Variants in CCNB1 observed in about 807,000 individuals in gnomAD.
CCNB1 encodes cyclin B1.
A neutral mutation model predicts 44.4 loss-of-function variants in CCNB1; 26 were observed. The observed-to-expected ratio is 0.59, with a 90% CI of 0.43 to 0.81. CCNB1 has a LOEUF of 0.81. CCNB1 is among the 40% of genes least tolerant of loss of function. CCNB1 has a pLI of 0.00. For synonymous variants in CCNB1, 195 were observed against 181.4 expected (o/e 1.08, Z -0.60); for missense variants, 477 against 520.9 (o/e 0.92, Z 0.82).
chr5:69,167,315 C>T (rs1217613458), intron 1 of CCNB1, 32 bp downstream of exon 1: 2 of 1,601,982 alleles, frequency 1.2e-6, no homozygotes, highest in Middle Eastern at 2.0e-4. Context: ...ACTAACGCGG[C>T]CTTCTTAGCT....
chr5:69,177,879 A>G lies in CCNB1; in HGVS notation c.*248A>G. 2.6e-6 allele frequency: 1 copy of G among 377,966 alleles called. No individual in the cohort carries two copies. The allele number at this position is 377,966 out of a possible 1,614,324, so 23.4% of individuals were successfully genotyped here. ...GGGGATCCAATTGATGTATATGTTT[A>G]TATACTGGGTTCTTGTTTTATATAC... On this transcript the variant is annotated 3_prime_UTR_variant, in exon 9 of 9. Coordinates refer to ENST00000256442, the MANE Select transcript of CCNB1 (RefSeq NM_031966.4).
intron 7 of CCNB1, among the ~76,000 whole-genome samples, chr5:69,175,755 C>T (rs968271270): frequency 1.3e-5 from 2 of 151,948 alleles, no homozygotes; most frequent in Non-Finnish European, 2.9e-5. Flanking sequence ...GCAGTCTTGG[C>T]CCACTGCAAC....
In CCNB1 at chr5:69,175,129, G is replaced by A. The variant is rs752538536; in HGVS notation, c.942+16G>A. 6.4e-7 allele frequency: 1 copy of A among 1,569,090 alleles called. No individual in the cohort carries two copies. Among genetic ancestry groups the A allele is most frequent in the South Asian group, 1.1e-5 (1 of 90,240 alleles). ...GATTGGAGAGGTACAGGTTTCTTGA[G>A]AAACCTCTCCGTATGGGTACATTAG... On this transcript the variant is annotated intron_variant, in intron 6 of 8. Coordinates refer to ENST00000256442, the MANE Select transcript of CCNB1 (RefSeq NM_031966.4).
rs749645134 is a variant in CCNB1, at chr5:69,168,286, A to C, written c.306A>C (p.Glu102Asp). 6.2e-7 allele frequency: 1 copy of C among 1,613,178 alleles called. No individual in the cohort carries two copies. Among genetic ancestry groups the C allele is most frequent in the South Asian group, 1.1e-5 (1 of 91,042 alleles). ...VPVSEPVPEP[E>D]PEPEPEPVKE... ...TGTCTGAGCCAGTGCCAGAGCCAGA[A>C]CCTGAGCCAGAACCTGAGCCTGTTA... The change falls in exon 3 of 9, where the codon GAA (glutamate) becomes GAC (aspartate). Residue 102 changes from glutamate to aspartate, a missense_variant. Glu to Asp is a conservative substitution (Grantham distance 45, BLOSUM62 2). Coordinates refer to ENST00000256442, the MANE Select transcript of CCNB1 (RefSeq NM_031966.4).
chr5:69,176,958 A>G (rs1747609747), intron 7 of CCNB1: 1 of 244,402 alleles, frequency 4.1e-6, no homozygotes, highest in South Asian at 6.6e-5. Flanking sequence ...GCCTGGAGCG[A>G]GACTCCATCT....
At position 69,177,509 on chromosome 5, in the gene CCNB1, C is replaced by G; in HGVS notation, c.1195-15C>G. 1 of 1,565,502 alleles carries G rather than the reference C, an allele frequency of 6.4e-7. No homozygotes were observed. Among genetic ancestry groups the G allele is most frequent in the Admixed American group, 1.7e-5 (1 of 58,548 alleles). On this transcript the variant is annotated splice_polypyrimidine_tract_variant and intron_variant, in intron 8 of 8. Coordinates refer to ENST00000256442, the MANE Select transcript of CCNB1 (RefSeq NM_031966.4). ...TTTCTTTTGCCTCTTTAATTGCTAT[C>G]TTTTTGTCTTCCAGACTGTCAAGAA...
rs904268983 is a variant in CCNB1, at chr5:69,177,832, A to T, written c.*201A>T. 4.1e-6 allele frequency: 2 copies of T among 493,500 alleles called. No individual in the cohort carries two copies. Among genetic ancestry groups the T allele is most frequent in the South Asian group, 3.2e-5 (1 of 31,042 alleles). 30.6% of individuals were successfully genotyped at this position (493,500 alleles called of 1,614,324 possible). ...TAAAAGGTATGGTGGGGATATTTTTAAAAACTCCTTTTGGTTTACCTGGGG... is the reference window on the plus strand; with the variant it reads ...TAAAAGGTATGGTGGGGATATTTTTTAAAACTCCTTTTGGTTTACCTGGGG... On this transcript the variant is annotated 3_prime_UTR_variant, in exon 9 of 9. Coordinates refer to ENST00000256442, the MANE Select transcript of CCNB1 (RefSeq NM_031966.4).
intron 1 of CCNB1, 59 bp downstream of exon 1, chr5:69,167,342 G>A: frequency 6.3e-7 from 1 of 1,587,158 alleles, no homozygotes. Context: ...TGCTCTCCCT[G>A]CCTCGCCTGC....
intron 6 of CCNB1, 134 bp downstream of exon 6, chr5:69,175,247 T>C: frequency 9.6e-7 from 1 of 1,036,618 alleles, no homozygotes; most frequent in Non-Finnish European, 1.4e-6. Flanking sequence ...TCTTTATTTC[T>C]AGTCAGGCTG....
intron 3 of CCNB1, among the ~76,000 whole-genome samples, chr5:69,169,376 A>G (rs576106287): frequency 1.3e-5 from 2 of 152,128 alleles, no homozygotes; most frequent in South Asian, 2.1e-4. Context: ...TCTTATATCT[A>G]AGGATAAGAG....
chr5:69,176,546 T>A (rs1412221552), intron 7 of CCNB1, among the ~76,000 whole-genome samples: 2 of 149,194 alleles, frequency 1.3e-5, no homozygotes, highest in South Asian at 4.2e-4. Context: ...ATATATATTT[T>A]TTTTTAGTAG....
chr5:69,168,995 G>A (rs1229050483), intron 3 of CCNB1, among the ~76,000 whole-genome samples: 1 of 152,232 alleles, frequency 6.6e-6, no homozygotes, highest in Non-Finnish European at 1.5e-5. Context: ...AGAGGAGGCT[G>A]CTTTGATGAA....
chr5:69,172,995 A>T (rs111418609), intron 4 of CCNB1, among the ~76,000 whole-genome samples: 1 of 151,706 alleles, frequency 6.6e-6, no homozygotes, highest in Non-Finnish European at 1.5e-5. Context: ...GGATGGTCTC[A>T]ATCTCCTGAC....
chr5:69,174,306 T>C lies in CCNB1; in HGVS notation c.602T>C (p.Met201Thr), dbSNP rs1315322079. 6.2e-7 allele frequency: 1 copy of C among 1,614,082 alleles called. No homozygotes were observed. Among genetic ancestry groups the C allele is most frequent in the East Asian group, 2.2e-5 (1 of 44,878 alleles). ...CTGGGTCGGGAAGTCACTGGAAACATGAGAGCCATCCTAATTGACTGGCTA... is the reference window on the plus strand; with the variant it reads ...CTGGGTCGGGAAGTCACTGGAAACACGAGAGCCATCCTAATTGACTGGCTA... Reference protein sequence around the residue: ...YLLGREVTGNMRAILIDWLVQ... With the variant: ...YLLGREVTGNTRAILIDWLVQ... Residue 201 changes from methionine (M) to threonine (T), a missense_variant, in exon 5 of 9, where the codon ATG becomes ACG. Met to Thr is a moderately conservative substitution (Grantham distance 81). Coordinates refer to ENST00000256442, the MANE Select transcript of CCNB1 (RefSeq NM_031966.4).
At chr5:69,175,587 C>T (rs1203329332) in intron 7 of CCNB1, 50 bp downstream of exon 7, 2 of 1,559,150 alleles carry the variant, frequency 1.3e-6, no homozygotes, top group East Asian at 2.2e-5. Context: ...TAAAGAGTGA[C>T]TAAATACAGA....
At chr5:69,172,208 G>T (rs1747475695) in intron 4 of CCNB1, among the ~76,000 whole-genome samples, 1 of 146,152 alleles carries the variant, frequency 6.8e-6, no homozygotes, top group South Asian at 2.1e-4. Context: ...CTCCCAAGTA[G>T]TTGGGGTTGC....
Position 69,175,073 on chromosome 5 carries a change from T to G in CCNB1, c.902T>G (p.Leu301Arg). ...RALNFGLGRP[L>R]PLHFLRRASK... Reference sequence around the variant, plus strand: ...TTAAACTTTGGTCTGGGTCGGCCTCTACCTTTGCACTTCCTTCGGAGAGCA... The same window carrying G: ...TTAAACTTTGGTCTGGGTCGGCCTCGACCTTTGCACTTCCTTCGGAGAGCA... Residue 301 changes from leucine (L) to arginine (R), a missense_variant, in exon 6 of 9, where the codon CTA becomes CGA. Physicochemically the swap from Leu to Arg is moderately radical, Grantham distance 102. Transcript: ENST00000256442. The G allele has an allele frequency of 1.2e-6, 2 of 1,614,146 alleles. No homozygotes were observed. Among genetic ancestry groups the G allele is most frequent in the Non-Finnish European group, 1.7e-6 (2 of 1,179,986 alleles).
At position 69,167,205 on chromosome 5, in the gene CCNB1, T is replaced by C. The variant is rs1267444095; in HGVS notation, c.-58T>C. Reference sequence around the variant, plus strand: ...CTGCTGGGTGTAGGTCCTTGGCTGGTCGGGCCTCCGGTGTTCTGCTTCTCC... The same window carrying C: ...CTGCTGGGTGTAGGTCCTTGGCTGGCCGGGCCTCCGGTGTTCTGCTTCTCC... On this transcript the variant is annotated 5_prime_UTR_variant, in exon 1 of 9. Transcript: ENST00000256442. 5.2e-5 allele frequency: 77 copies of C among 1,487,510 alleles called. No individual in the cohort carries two copies. Among genetic ancestry groups the C allele is most frequent in the Non-Finnish European group, 6.7e-5 (74 of 1,108,878 alleles). 92.1% of individuals were successfully genotyped at this position (1,487,510 alleles called of 1,614,324 possible).
At chr5:69,169,656 C>CT (rs1054148264) in intron 3 of CCNB1, among the ~76,000 whole-genome samples, 53 of 151,612 alleles carry the variant, frequency 3.5e-4, no homozygotes, top group African/African-American at 1.2e-3. Context: ...TAGAATCAGT[C>CT]TTTTTTTTCC....
Sources: allele counts gnomAD v4.1 joint callset (sites outside exome capture counted in the v4.1 genomes callset), GRCh38; gene constraint gnomAD v4.1.1; transcripts MANE v1.5; gene names NCBI Gene and HGNC (gene_info 2026-07-23, HGNC 2026-07-21).